Variants in NOL4 observed in about 807,000 individuals in gnomAD.
NOL4 encodes cancer/testis antigen 125.
A neutral mutation model predicts 75.9 loss-of-function variants in NOL4; 17 were observed. That is an observed-to-expected ratio of 0.22 (90% CI 0.15 to 0.34). The LOEUF is 0.34. Among genes scored for constraint, NOL4 ranks in the 10% least tolerant of loss-of-function variants. The pLI, the probability that NOL4 is intolerant of heterozygous loss-of-function variation, is 1.00. For synonymous variants in NOL4, 292 were observed against 289.9 expected (o/e 1.01, Z -0.07); for missense variants, 614 against 793.5 (o/e 0.77, Z 2.72).
rs1460371960 is a variant in NOL4, at chr18:33,921,943, AC to A, written c.1542+21121del. On this transcript the variant is annotated intron_variant, in intron 9 of 10. Transcript: ENST00000261592. ...AATTTACTCCACCAATGGCTCCAAA[AC>A]TAAATATGTGGCCTATACACTTTCC... is the stretch of plus-strand genomic sequence containing the variant. Among the ~76,000 whole-genome samples the A allele has an allele frequency of 2.0e-5, 3 of 152,132 alleles. No homozygotes were observed. In the East Asian group the frequency reaches 5.8e-4, roughly 29 times the overall value.
chr18:33,968,296 A>C (rs2070766932), intron 6 of NOL4, among the ~76,000 whole-genome samples: 1 of 152,100 alleles, frequency 6.6e-6, no homozygotes, highest in African/African-American at 2.4e-5. Context: ...AGCCCAAGGG[A>C]AATCAAATCA....
At chr18:34,049,866 C>T (rs1469275623) in intron 5 of NOL4, among the ~76,000 whole-genome samples, 1 of 152,128 alleles carries the variant, frequency 6.6e-6, no homozygotes, top group African/African-American at 2.4e-5. Context: ...TAGTCAGATT[C>T]AATGCCACAT....
chr18:34,086,137 CA>C (rs2078231881), intron 5 of NOL4, among the ~76,000 whole-genome samples: 1 of 151,954 alleles, frequency 6.6e-6, no homozygotes, highest in Non-Finnish European at 1.5e-5. Flanking sequence ...TTTAATAATG[CA>C]TTAAAACAAC....
chr18:34,065,675 CATTTT>C (rs2077243965), intron 5 of NOL4, among the ~76,000 whole-genome samples: 1 of 151,890 alleles, frequency 6.6e-6, no homozygotes, highest in South Asian at 2.1e-4. Context: ...AGTGAAGCTT[CATTTT>C]ATTTTTTTAT....
chr18:33,887,418 GT>G (rs1318544518), intron 9 of NOL4, among the ~76,000 whole-genome samples: 2,199 of 138,196 alleles, frequency 0.016, 35 homozygotes, highest in African/African-American at 0.046. Context: ...AAGAAGGTGA[GT>G]TTTTTTTTTT....
At chr18:34,217,728 T>G (rs1232629254) in intron 1 of NOL4, among the ~76,000 whole-genome samples, 1 of 152,150 alleles carries the variant, frequency 6.6e-6, no homozygotes, top group Non-Finnish European at 1.5e-5. Flanking sequence ...CGGCATATGC[T>G]ACATATACCA....
chr18:34,109,656 A>G (rs765114715), intron 2 of NOL4, among the ~76,000 whole-genome samples: 1 of 152,088 alleles, frequency 6.6e-6, no homozygotes, highest in Non-Finnish European at 1.5e-5. Flanking sequence ...GAAGGAAATA[A>G]TAAGGATCAG....
intron 1 of NOL4, among the ~76,000 whole-genome samples, chr18:34,194,776 G>A (rs2035201003): frequency 6.6e-6 from 1 of 152,082 alleles, no homozygotes; most frequent in Non-Finnish European, 1.5e-5. Context: ...TGTAATCCCT[G>A]CACTTTGGGA....
chr18:34,176,316 AG>A (rs896410393), intron 1 of NOL4, among the ~76,000 whole-genome samples: 3 of 152,124 alleles, frequency 2.0e-5, no homozygotes, highest in African/African-American at 7.2e-5. Flanking sequence ...AAAAGTGAAC[AG>A]AACCTTAGAG....
At chr18:34,110,163 A>G (rs1022205083) in intron 2 of NOL4, among the ~76,000 whole-genome samples, 3 of 81,328 alleles carry the variant, frequency 3.7e-5, no homozygotes, top group East Asian at 3.6e-4. Flanking sequence ...AAAAAAAAAA[A>G]TACTGGGTAG....
At position 34,057,444 on chromosome 18, in the gene NOL4, C is replaced by T. The variant is rs575887736; in HGVS notation, c.772+36021G>A. 2.0e-4 allele frequency among the ~76,000 whole-genome samples: 30 copies of T among 152,258 alleles called. No homozygotes were observed. The South Asian group carries it at 2.1e-3, about 11-fold the overall frequency. The stretch of plus-strand genomic sequence containing the variant: ...ACTAAAATGTTCTTTGCCTTGTATA[C>T]GTGCCATTGTCCTGACCTGGTCAAC... On this transcript the variant is annotated intron_variant, in intron 5 of 10. Transcript: ENST00000261592.
chr18:34,209,560 CCCT>C (rs1429862481), intron 1 of NOL4, among the ~76,000 whole-genome samples: 2 of 152,058 alleles, frequency 1.3e-5, no homozygotes, highest in African/African-American at 4.8e-5. Flanking sequence ...CATCCATTTG[CCCT>C]CCTCTTCTCA....
chr18:33,974,565 A>C (rs2071344700), intron 6 of NOL4, among the ~76,000 whole-genome samples: 1 of 152,172 alleles, frequency 6.6e-6, no homozygotes, highest in Admixed American at 6.6e-5. Context: ...TGTGGTGATC[A>C]AAAACAATTA....
chr18:33,869,285 ACTT>A (rs2063581772), intron 10 of NOL4, among the ~76,000 whole-genome samples: 1 of 151,998 alleles, frequency 6.6e-6, no homozygotes, highest in Admixed American at 6.6e-5. Context: ...CTTCTAAGAG[ACTT>A]CTTTTTTACT....
intron 1 of NOL4, among the ~76,000 whole-genome samples, chr18:34,211,119 G>A (rs1250035526): frequency 6.7e-6 from 1 of 150,126 alleles, no homozygotes; most frequent in Non-Finnish European, 1.5e-5. Flanking sequence ...AAAGAAGGAA[G>A]GAAGGAAGGA....
rs747636207 is a variant in NOL4, at chr18:34,222,022, T to C, written c.264+968A>G. The C allele has an allele frequency of 1.1e-5, 17 of 1,535,178 alleles. No homozygotes were observed. In the South Asian group the frequency reaches 1.9e-4, roughly 17 times the overall value. On this transcript the variant is annotated intron_variant, in intron 1 of 10. Coordinates refer to ENST00000261592, the MANE Select transcript of NOL4 (RefSeq NM_003787.5). ...CCCTACTCCAGGCGAGTACCCACCG[T>C]GGCATGATGCAGAAAGGTCTCCTGC...
rs1362809758 is a variant in NOL4 at position 34,141,366 on chromosome 18, G to A, written c.265-11346C>T. Among the ~76,000 whole-genome samples the A allele has an allele frequency of 5.3e-5, 8 of 151,694 alleles. No homozygotes were observed. In the East Asian group the frequency reaches 7.7e-4, roughly 15 times the overall value. ...TTCATATGGAACCAAAAAAGAGCCC[G>A]CATCACCAAGTCAATCCTAAGCCAA... On this transcript the variant is annotated intron_variant, in intron 1 of 10. Transcript: ENST00000261592.
chr18:34,049,483 T>C lies in NOL4; in HGVS notation c.773-29882A>G, dbSNP rs2076536558. On this transcript the variant is annotated intron_variant, in intron 5 of 10. Transcript: ENST00000261592. The stretch of plus-strand genomic sequence containing the variant: ...TTGAACATTGAACATTCATTTTTCT[T>C]CAGAAACATTACTGCGATTCAAATG... Among the ~76,000 whole-genome samples the C allele has an allele frequency of 2.0e-5, 3 of 152,092 alleles. No individual in the cohort carries two copies. The South Asian group carries it at 6.2e-4, about 31-fold the overall frequency.
At chr18:34,109,957 A>G (rs1281792539) in intron 2 of NOL4, among the ~76,000 whole-genome samples, 1 of 151,808 alleles carries the variant, frequency 6.6e-6, no homozygotes, top group Non-Finnish European at 1.5e-5. Context: ...GAATCATAAA[A>G]AGCAGGACAT....
Sources: gnomAD v4.1 joint callset for allele counts (sites outside exome capture counted in the v4.1 genomes callset) on GRCh38, gnomAD v4.1.1 for gene constraint, MANE v1.5 for transcripts, NCBI Gene and HGNC (gene_info 2026-07-23, HGNC 2026-07-21) for gene names.